FANCB: variants seen among roughly 807,000 people sequenced by gnomAD.
The protein encoded by FANCB is Fanconi anemia group B protein.
FANCB carries 5 observed loss-of-function variants against 38.9 expected under a neutral mutation model. That is an observed-to-expected ratio of 0.13 (90% CI 0.07 to 0.27). FANCB has a LOEUF of 0.27. Among genes scored for constraint, FANCB ranks in the 10% least tolerant of loss-of-function variants. The pLI, the probability that FANCB is intolerant of heterozygous loss-of-function variation, is 1.00. For missense variants in FANCB, 573 were observed against 602.7 expected (o/e 0.95, Z 0.52); for synonymous variants, 236 against 215.4 (o/e 1.10, Z -0.84).
the FANCB span, among the ~76,000 whole-genome samples, chrX:14,780,192 T>G: frequency 9.0e-6 from 1 of 111,111 alleles, no homozygotes; most frequent in Non-Finnish European, 1.9e-5. Flanking sequence ...AAGCTAATTT[T>G]CTAACATGAA....
At chrX:14,830,791 G>C in the FANCB span, among the ~76,000 whole-genome samples, 1 of 111,835 alleles carries the variant, frequency 8.9e-6, no homozygotes, top group Non-Finnish European at 1.9e-5. Context: ...TTTATCCGCT[G>C]ATGGATGCCC....
intron 3 of FANCB, among the ~76,000 whole-genome samples, chrX:14,861,183 C>T (rs1357990131): frequency 1.8e-5 from 2 of 111,676 alleles, no homozygotes; most frequent in African/African-American, 3.3e-5. Context: ...TACACCCGGC[C>T]AATGACCTCA....
At chrX:14,786,285 G>T in the FANCB span, among the ~76,000 whole-genome samples, 3 of 111,349 alleles carry the variant, frequency 2.7e-5, no homozygotes, top group South Asian at 1.1e-3. Context: ...GAGGAGGGGA[G>T]ATAGGCGCTT....
the FANCB span, among the ~76,000 whole-genome samples, chrX:14,797,712 A>AG: frequency 9.2e-6 from 1 of 108,949 alleles, no homozygotes; most frequent in East Asian, 2.9e-4. Context: ...AGAGAGAGAG[A>AG]AAGAAATAAG....
At chrX:14,854,062 A>C (rs1351827548) in intron 5 of FANCB, among the ~76,000 whole-genome samples, 6 of 112,676 alleles carry the variant, frequency 5.3e-5, no homozygotes, top group Non-Finnish European at 7.5e-5. Context: ...TAATCAACAA[A>C]TAGAAACTGG....
Position 14,843,438 on chromosome X carries a change from C to A in FANCB, c.*129G>T, listed in dbSNP as rs764467478. The A allele has an allele frequency of 4.3e-5, 20 of 467,812 alleles. No individual in the cohort carries two copies. The South Asian group carries it at 7.7e-4, about 18-fold the overall frequency. The allele number at this position is 467,812 out of a possible 1,213,427, so 38.6% of individuals were successfully genotyped here. ...CACTGCTGTTTATTTTGTGCATCATCAAAACTAAAGTTTCTACTACAGTAA... is the reference window on the plus strand; with the variant it reads ...CACTGCTGTTTATTTTGTGCATCATAAAAACTAAAGTTTCTACTACAGTAA... On this transcript the variant is annotated 3_prime_UTR_variant, in exon 10 of 10. Coordinates refer to ENST00000650831, the MANE Select transcript of FANCB (RefSeq NM_001018113.3).
At chrX:14,804,185 A>G in the FANCB span, among the ~76,000 whole-genome samples, 39 of 111,940 alleles carry the variant, frequency 3.5e-4, no homozygotes, top group African/African-American at 8.8e-4. Flanking sequence ...ACATGCACAC[A>G]TATGTTTATT....
chrX:14,779,966 G>A, the FANCB span, among the ~76,000 whole-genome samples: 4 of 110,970 alleles, frequency 3.6e-5, no homozygotes, highest in African/African-American at 1.0e-4. Flanking sequence ...ACTAAGTAAT[G>A]GGGAACCTGA....
chrX:14,740,137 C>A, the FANCB span, among the ~76,000 whole-genome samples: 1 of 111,555 alleles, frequency 9.0e-6, no homozygotes, highest in African/African-American at 3.3e-5. Context: ...TCAGGACTAA[C>A]CAAGAGTTCA....
chrX:14,698,038 TATCTC>T, the FANCB span, among the ~76,000 whole-genome samples: 2 of 111,734 alleles, frequency 1.8e-5, no homozygotes, highest in African/African-American at 6.5e-5. Flanking sequence ...ATACTGTTCT[TATCTC>T]AATTTACAGA....
At chrX:14,798,025 T>C in the FANCB span, among the ~76,000 whole-genome samples, 1 of 111,985 alleles carries the variant, frequency 8.9e-6, no homozygotes, top group Non-Finnish European at 1.9e-5. Flanking sequence ...TCAGCCTTAA[T>C]GTTATACCAT....
chrX:14,731,018 T>A, the FANCB span: 1 of 111,781 alleles, frequency 8.9e-6, no homozygotes, highest in East Asian at 2.8e-4. Context: ...CCAAACTTTT[T>A]CAGGAAAATG....
the FANCB span, chrX:14,731,337 A>T: frequency 8.0e-5 from 9 of 111,986 alleles, no homozygotes; most frequent in Non-Finnish European, 1.7e-4. Flanking sequence ...TTATATATAT[A>T]TTTTTGCTTT....
At chrX:14,814,880 T>C in the FANCB span, among the ~76,000 whole-genome samples, 1 of 112,139 alleles carries the variant, frequency 8.9e-6, no homozygotes, top group Non-Finnish European at 1.9e-5. Context: ...CATATGATTA[T>C]TGCGGCACTA....
the FANCB span, among the ~76,000 whole-genome samples, chrX:14,755,957 T>C: frequency 8.9e-6 from 1 of 111,795 alleles, no homozygotes. Context: ...AACAGACATA[T>C]AGACCAATGG....
At chrX:14,750,736 T>C in the FANCB span, among the ~76,000 whole-genome samples, 1 of 111,099 alleles carries the variant, frequency 9.0e-6, no homozygotes, top group East Asian at 2.8e-4. Flanking sequence ...TTCTAGGGAA[T>C]ACACACATCA....
At chrX:14,851,521 T>C (rs1339136997) in intron 6 of FANCB, among the ~76,000 whole-genome samples, 1 of 111,540 alleles carries the variant, frequency 9.0e-6, no homozygotes. Context: ...ATTCACTCAA[T>C]AGGAGACTAA....
chrX:14,802,989 T>C, the FANCB span, among the ~76,000 whole-genome samples: 1 of 112,142 alleles, frequency 8.9e-6, no homozygotes, highest in Non-Finnish European at 1.9e-5. Flanking sequence ...TCCTTTAAAG[T>C]CATCAGGCTA....
At chrX:14,735,403 C>A in the FANCB span, among the ~76,000 whole-genome samples, 10 of 111,602 alleles carry the variant, frequency 9.0e-5, no homozygotes, top group African/African-American at 3.3e-4. Context: ...TGGTGTCCTT[C>A]GGATGGGGTT....
Sources: gnomAD v4.1 joint callset for allele counts (sites outside exome capture counted in the v4.1 genomes callset) on GRCh38, gnomAD v4.1.1 for gene constraint, MANE v1.5 for transcripts, NCBI Gene and HGNC (gene_info 2026-07-23, HGNC 2026-07-21) for gene names.